The following AHI1 variants were observed in gnomAD, a reference collection of about 807,000 sequenced individuals.
The protein encoded by AHI1 is jouberin.
AHI1 carries 123 observed loss-of-function variants against 149.3 expected under a neutral mutation model. The observed-to-expected ratio is 0.82, with a 90% CI of 0.71 to 0.96. The LOEUF is 0.96. Among genes scored for constraint, AHI1 ranks in the 40% least tolerant of loss-of-function variants. The pLI is 0.00. For synonymous variants in AHI1, 475 were observed against 459.8 expected (o/e 1.03, Z -0.42); for missense variants, 1,439 against 1,422.7 (o/e 1.01, Z -0.18).
At chr6:135,348,115 C>G (rs796984289) in intron 24 of AHI1, among the ~76,000 whole-genome samples, 34 of 152,256 alleles carry the variant, frequency 2.2e-4, no homozygotes, top group African/African-American at 7.9e-4. Context: ...ACTGAGATGA[C>G]AGGATAGAGT....
chr6:135,364,445 C>T (rs1338906961), intron 23 of AHI1, among the ~76,000 whole-genome samples: 10 of 147,652 alleles, frequency 6.8e-5, no homozygotes, highest in Admixed American at 2.0e-4. Flanking sequence ...ACATCCCAGA[C>T]GATGGGCGGC....
chr6:135,451,583 T>C lies in AHI1; in HGVS notation c.1440+1758A>G, dbSNP rs201321668. 2.0e-3 allele frequency among the ~76,000 whole-genome samples: 311 copies of C among 152,250 alleles called. 1 individual carries two copies. Among genetic ancestry groups the C allele is most frequent in the African/African-American group, 7.1e-3 (295 of 41,560 alleles). On this transcript the variant is annotated intron_variant, in intron 11 of 28. Coordinates refer to ENST00000265602, the MANE Select transcript of AHI1 (RefSeq NM_001134831.2). ...TAAGTGTTAGAAGACGTGAAGCACA[T>C]AGAATACCTTACTCTTTCTGGGGGG...
At chr6:135,357,230 T>C (rs375619571) in intron 24 of AHI1, among the ~76,000 whole-genome samples, 4 of 152,262 alleles carry the variant, frequency 2.6e-5, no homozygotes, top group African/African-American at 7.2e-5. Context: ...AGCCACTGTG[T>C]CCGGCCATCT....
In AHI1 at chr6:135,497,250, C is replaced by T. The variant is rs1796095155; in HGVS notation, c.-201-1G>A. 6.6e-6 allele frequency: 1 copy of T among 152,176 alleles called. No individual in the cohort carries two copies. The highest frequency in any genetic ancestry group is 1.5e-5 in the Non-Finnish European group (1 of 68,036). 9.4% of individuals were successfully genotyped at this position (152,176 alleles called of 1,614,324 possible). A position where few individuals can be genotyped will look rare whatever the true frequency, so the allele number is the denominator to read the frequency against. On this transcript the variant is annotated splice_acceptor_variant, in intron 1 of 28. Coordinates refer to ENST00000265602, the MANE Select transcript of AHI1 (RefSeq NM_001134831.2). LOFTEE classifies it low-confidence loss of function (5UTR_SPLICE). ...GAAGATTCAGCCCCAGGTTGACACTCTAAAAGGAAATAAACACACTCAGTA... is the reference window on the plus strand; with the variant it reads ...GAAGATTCAGCCCCAGGTTGACACTTTAAAAGGAAATAAACACACTCAGTA...
rs368193755 is a variant in AHI1, at chr6:135,425,528, T to C, written c.2764+1639A>G. 1.5e-3 allele frequency among the ~76,000 whole-genome samples: 228 copies of C among 151,964 alleles called. 1 individual carries two copies. Among genetic ancestry groups the C allele is most frequent in the African/African-American group, 5.3e-3 (219 of 41,538 alleles). ...ACCCATTTTATCTTTTGTTTCAATA[T>C]TGTGCTTATCAATTTACCTAGTACT... On this transcript the variant is annotated intron_variant, in intron 20 of 28. Coordinates refer to ENST00000265602, the MANE Select transcript of AHI1 (RefSeq NM_001134831.2).
intron 11 of AHI1, among the ~76,000 whole-genome samples, chr6:135,449,422 A>T (rs1415251349): frequency 1.3e-5 from 2 of 152,088 alleles, no homozygotes; most frequent in Non-Finnish European, 2.9e-5. Flanking sequence ...TTAGACCATG[A>T]CTCAAAATAG....
chr6:135,442,381 C>T (rs891086719), intron 14 of AHI1, among the ~76,000 whole-genome samples: 4 of 152,066 alleles, frequency 2.6e-5, no homozygotes, highest in African/African-American at 9.7e-5. Context: ...TTTGATCAAT[C>T]TCATTCTACT....
intron 11 of AHI1, among the ~76,000 whole-genome samples, chr6:135,452,495 C>T (rs866780179): frequency 6.6e-6 from 1 of 152,138 alleles, no homozygotes; most frequent in Non-Finnish European, 1.5e-5. Flanking sequence ...ATGTGATTTT[C>T]AAGTATCTAC....
In AHI1 at chr6:135,336,931, T is replaced by TA. The variant is rs1789483383; in HGVS notation, c.3166-13608dup. ...ACACACACACATACACATATATTCA[T>TA]AACTACCCCATTTAGTATTTATCAT... On this transcript the variant is annotated intron_variant, in intron 24 of 28. Transcript: ENST00000265602. 2.6e-5 allele frequency among the ~76,000 whole-genome samples: 4 copies of TA among 152,346 alleles called. No homozygotes were observed. In the South Asian group the frequency reaches 8.3e-4, roughly 32 times the overall value.
intron 25 of AHI1, 93 bp downstream of exon 25, chr6:135,323,069 A>G: frequency 7.4e-7 from 1 of 1,353,598 alleles, no homozygotes; most frequent in Non-Finnish European, 9.8e-7. Flanking sequence ...TGCAAAGGTT[A>G]CAAAGACAGT....
chr6:135,357,037 C>T (rs1793075840), intron 24 of AHI1, among the ~76,000 whole-genome samples: 1 of 152,166 alleles, frequency 6.6e-6, no homozygotes, highest in Non-Finnish European at 1.5e-5. Flanking sequence ...CTCCTGGGTT[C>T]AAGCGATTCC....
chr6:135,402,695 A>G (rs548184660), intron 22 of AHI1, among the ~76,000 whole-genome samples: 21 of 152,194 alleles, frequency 1.4e-4, no homozygotes, highest in Non-Finnish European at 4.4e-5. Context: ...GTGAAGACAA[A>G]GGAAGACCTC....
intron 20 of AHI1, among the ~76,000 whole-genome samples, chr6:135,413,853 C>A (rs1418918988): frequency 6.6e-6 from 1 of 152,060 alleles, no homozygotes; most frequent in Non-Finnish European, 1.5e-5. Flanking sequence ...CTGAGAGAAA[C>A]TGACAAAGCA....
intron 24 of AHI1, among the ~76,000 whole-genome samples, chr6:135,348,960 TATAA>T (rs1239325603): frequency 6.6e-6 from 1 of 152,156 alleles, no homozygotes; most frequent in East Asian, 1.9e-4. Context: ...GGCACAAATA[TATAA>T]ATAATGAGAA....
At chr6:135,398,068 T>G (rs964991484) in intron 22 of AHI1, among the ~76,000 whole-genome samples, 3 of 149,920 alleles carry the variant, frequency 2.0e-5, no homozygotes, top group African/African-American at 7.4e-5. Context: ...GTTTTTTTTT[T>G]TTTTTTTTTT....
intron 23 of AHI1, among the ~76,000 whole-genome samples, chr6:135,381,929 AT>A (rs2128468716): frequency 6.6e-6 from 1 of 152,354 alleles, no homozygotes; most frequent in Admixed American, 6.5e-5. Context: ...ACTTTTGAAA[AT>A]ATTAAAAATG....
chr6:135,450,331 T>G (rs1787900890), intron 11 of AHI1, among the ~76,000 whole-genome samples: 1 of 152,090 alleles, frequency 6.6e-6, no homozygotes, highest in Admixed American at 6.5e-5. Flanking sequence ...TGGAGAAGCT[T>G]TAGTGGCAGA....
At chr6:135,434,930 T>C (rs1488078533) in intron 15 of AHI1, among the ~76,000 whole-genome samples, 1 of 152,152 alleles carries the variant, frequency 6.6e-6, no homozygotes, top group African/African-American at 2.4e-5. Context: ...AAACACAGAT[T>C]ATTCCAGGGA....
rs1774492732 is a variant in AHI1 at position 135,368,319 on chromosome 6, T to TAAA, written c.3110-10133_3110-10132insTTT. Among the ~76,000 whole-genome samples the TAAA allele has an allele frequency of 7.9e-5, 12 of 152,206 alleles. No homozygotes were observed. The South Asian group carries it at 2.3e-3, about 29-fold the overall frequency. On this transcript the variant is annotated intron_variant, in intron 23 of 28. Coordinates refer to ENST00000265602, the MANE Select transcript of AHI1 (RefSeq NM_001134831.2). ...AGTGTGCTGGTTTTGTGTTGGTTGGTTTCCAGCCAGAAGGTGGTGCTTTCA... is the reference window on the plus strand; with the variant it reads ...AGTGTGCTGGTTTTGTGTTGGTTGGTAAATTCCAGCCAGAAGGTGGTGCTTTCA...
Sources: gnomAD v4.1 joint callset for allele counts (sites outside exome capture counted in the v4.1 genomes callset) on GRCh38, gnomAD v4.1.1 for gene constraint, MANE v1.5 for transcripts, NCBI Gene and HGNC (gene_info 2026-07-23, HGNC 2026-07-21) for gene names.